The following SSR2 variants were observed in gnomAD, a reference collection of about 807,000 sequenced individuals.
SSR2 encodes signal sequence receptor subunit 2.
Under a neutral mutation model 22.6 loss-of-function variants are expected in SSR2, and 16 were observed. The observed-to-expected ratio is 0.71, with a 90% CI of 0.48 to 1.08. The LOEUF (loss-of-function observed/expected upper bound fraction) is 1.08, where lower values mean the gene tolerates loss of function less well. SSR2 is among the 50% of genes least tolerant of loss of function. SSR2 has a pLI of 0.00. For missense variants in SSR2, 171 were observed against 221.6 expected (o/e 0.77, Z 1.45); for synonymous variants, 83 against 91.2 (o/e 0.91, Z 0.51).
chr1:156,012,655 A>G, intron 4 of SSR2: 1 of 450,260 alleles, frequency 2.2e-6, no homozygotes, highest in South Asian at 1.6e-5. Context: ...AAAATGCAGA[A>G]GGTGCAATGA....
chr1:156,012,667 T>C, intron 4 of SSR2: 1 of 444,338 alleles, frequency 2.3e-6, no homozygotes, highest in Non-Finnish European at 4.5e-6. Flanking sequence ...GTGCAATGAA[T>C]GTTAGTTCTT....
chr1:156,009,546 C>G lies in SSR2; in HGVS notation c.546G>C (p.Lys182Asn), dbSNP rs761845333. The change falls in exon 6 of 6, where the codon AAG (lysine) becomes AAC (asparagine). Residue 182 changes from lysine to asparagine, a missense_variant. Transcript: ENST00000295702. The stretch of plus-strand genomic sequence containing the variant: ...AGGGCTGTGGAAGCCCCAATCAGTT[C>G]TTCTTCGTTTTGGGAGTGTCATATT... ...KRKYDTPKTKKN is the reference protein window; with the variant it reads ...KRKYDTPKTKNN The G allele has an allele frequency of 4.8e-5, 77 of 1,611,422 alleles. No individual in the cohort carries two copies. The highest frequency in any genetic ancestry group is 6.3e-5 in the Non-Finnish European group (74 of 1,178,264).
At chr1:156,015,162 G>C in intron 3 of SSR2, 93 bp from the exon 4 acceptor site, 1 of 896,204 alleles carries the variant, frequency 1.1e-6, no homozygotes, top group East Asian at 2.6e-5. Context: ...CAAAACATTT[G>C]CCAATACATG....
Position 156,020,827 on chromosome 1 carries a change from T to C in SSR2, c.-1+61A>G, listed in dbSNP as rs114867045. ...CCCTAGCTAACCCCCAGCCACGGGG[T>C]GATGCGCGGACACGAGGCTCTCGCC... On this transcript the variant is annotated intron_variant, in intron 1 of 5. Transcript: ENST00000295702. 3.3e-3 allele frequency: 1,513 copies of C among 454,902 alleles called. 22 individuals are homozygous for C. The highest frequency in any genetic ancestry group is 0.028 in the African/African-American group (1,398 of 49,638). The allele number at this position is 454,902 out of a possible 1,614,324, so 28.2% of individuals were successfully genotyped here.
chr1:156,010,063 C>T (rs1356784312), intron 5 of SSR2, among the ~76,000 whole-genome samples: 1 of 152,124 alleles, frequency 6.6e-6, no homozygotes, highest in South Asian at 2.1e-4. Context: ...TGAGCCACCG[C>T]GCCCGGCCGA....
At chr1:156,017,169 C>G (rs1683070036) in intron 3 of SSR2, among the ~76,000 whole-genome samples, 1 of 152,180 alleles carries the variant, frequency 6.6e-6, no homozygotes, top group African/African-American at 2.4e-5. Flanking sequence ...ACCTCCATCT[C>G]CCAAGTAGCT....
intron 5 of SSR2, 159 bp downstream of exon 5, chr1:156,011,651 C>T (rs1193359552): frequency 3.6e-6 from 2 of 561,492 alleles, no homozygotes; most frequent in African/African-American, 3.7e-5. Flanking sequence ...CTGGACATGG[C>T]TAAATCAATC....
At chr1:156,015,214 T>C (rs1436583445) in intron 3 of SSR2, 145 bp from the exon 4 acceptor site, 8 of 662,824 alleles carry the variant, frequency 1.2e-5, no homozygotes, top group Non-Finnish European at 2.1e-5. Context: ...TGAAAAAATA[T>C]AGGCTTCTTT....
At chr1:156,014,476 A>G (rs1456810821) in intron 4 of SSR2, 1 of 152,500 alleles carries the variant, frequency 6.6e-6, no homozygotes, top group Non-Finnish European at 1.5e-5. Flanking sequence ...TGAAATATAC[A>G]TTAGATTACT....
At chr1:156,016,966 A>G (rs1026126404) in intron 3 of SSR2, among the ~76,000 whole-genome samples, 1 of 152,220 alleles carries the variant, frequency 6.6e-6, no homozygotes, top group Admixed American at 6.5e-5. Context: ...CAGAACCGTG[A>G]ACAAATTAAA....
At chr1:156,016,589 CAA>C (rs11356147) in intron 3 of SSR2, among the ~76,000 whole-genome samples, 3 of 149,734 alleles carry the variant, frequency 2.0e-5, no homozygotes, top group South Asian at 2.1e-4. Context: ...ATTGAAAATA[CAA>C]AAAAAAAAGA....
chr1:156,015,595 T>TA (rs1195885002), intron 3 of SSR2, among the ~76,000 whole-genome samples: 14 of 125,698 alleles, frequency 1.1e-4, no homozygotes, highest in East Asian at 4.7e-4. Flanking sequence ...TTTTAAATAT[T>TA]AAAAAAAAAA....
intron 4 of SSR2, chr1:156,013,778 C>T (rs1187639146): frequency 6.5e-6 from 1 of 153,116 alleles, no homozygotes; most frequent in Non-Finnish European, 1.5e-5. Flanking sequence ...CAGGAGCAAT[C>T]TAAGCAAGGG....
At chr1:156,019,973 A>G in intron 2 of SSR2, 40 bp downstream of exon 2, 1 of 1,587,790 alleles carries the variant, frequency 6.3e-7, no homozygotes, top group South Asian at 1.1e-5. Flanking sequence ...CTAAGAATCC[A>G]GAAATAGGCT....
intron 3 of SSR2, among the ~76,000 whole-genome samples, chr1:156,017,603 C>T (rs941630729): frequency 6.6e-6 from 1 of 152,096 alleles, no homozygotes; most frequent in African/African-American, 2.4e-5. Context: ...CCACCTTGGC[C>T]TCCCAAAGTG....
rs780950248 is a variant in SSR2 at position 156,014,966 on chromosome 1, C to A, written c.358G>T (p.Val120Phe). ...TAAGGGTTTGGGCAACTCACCACAA[C>A]GGGCCCATCCTCCTGGGCCAGGTAA... ...ITYLAQEDGPVVIGSTSAPGQ... is the reference protein window; with the variant it reads ...ITYLAQEDGPFVIGSTSAPGQ... Residue 120 changes from valine (V) to phenylalanine (F), a missense_variant, in exon 4 of 6, where the codon GTT (valine) becomes TTT (phenylalanine). By Grantham distance (50) the Val-to-Phe change is conservative (BLOSUM62 -1). Transcript: ENST00000295702. 6.2e-7 allele frequency: 1 copy of A among 1,613,388 alleles called. No homozygotes were observed. The highest frequency in any genetic ancestry group is 1.1e-5 in the South Asian group (1 of 91,016).
In SSR2 at chr1:156,015,051, G is replaced by A; in HGVS notation, c.273C>T (p.His91=). The A allele has an allele frequency of 5.0e-6, 8 of 1,613,922 alleles. No individual in the cohort carries two copies. The highest frequency in any genetic ancestry group is 6.8e-6 in the Non-Finnish European group (8 of 1,179,878). ...CCTTGAGAGGGCGCAGGACCACAGT[G>A]TGGGAGACATTGCTAGCACTGGCTC... ...DRIAPASNVS[H]TVVLRPLKAG... is the part of the protein sequence containing the mutation. The change falls in exon 4 of 6, where the codon CAC becomes CAT. Residue 91 remains histidine, a synonymous_variant. Coordinates refer to ENST00000295702, the MANE Select transcript of SSR2 (RefSeq NM_003145.4).
chr1:156,017,315 A>C (rs1388414614), intron 3 of SSR2, among the ~76,000 whole-genome samples: 2 of 152,214 alleles, frequency 1.3e-5, no homozygotes, highest in Non-Finnish European at 2.9e-5. Flanking sequence ...AGACTTTAAA[A>C]GGTCACCCAG....
At chr1:156,019,649 T>G (rs112357482) in intron 2 of SSR2, among the ~76,000 whole-genome samples, 2,019 of 152,262 alleles carry the variant, frequency 0.013, 24 homozygotes, top group Non-Finnish European at 0.02. Flanking sequence ...CCTCCCAAAG[T>G]GCTGAGATTA....
Sources: allele counts gnomAD v4.1 joint callset (sites outside exome capture counted in the v4.1 genomes callset), GRCh38; gene constraint gnomAD v4.1.1; transcripts MANE v1.5; gene names NCBI Gene and HGNC (gene_info 2026-07-23, HGNC 2026-07-21).